The following CCDC148 variants were observed in gnomAD, a reference collection of about 807,000 sequenced individuals.
CCDC148 encodes the protein coiled-coil domain containing 148.
In CCDC148, 89 loss-of-function variants were observed where a neutral mutation model predicts 85.7. The observed-to-expected ratio is 1.04, with a 90% CI of 0.87 to 1.24. The LOEUF is 1.24. CCDC148 is among the 50% of genes most tolerant of loss of function. The probability of loss-of-function intolerance (pLI) is 0.00; values close to 1 mark genes in which losing one functional copy is unlikely to be tolerated. For synonymous variants in CCDC148, 230 were observed against 213.9 expected (o/e 1.08, Z -0.66); for missense variants, 692 against 671.7 (o/e 1.03, Z -0.33).
intron 1 of CCDC148, among the ~76,000 whole-genome samples, chr2:158,443,515 A>AAAAAAAAAAAAAAGAAAAAAAAGAAAAG (rs1553524474): frequency 9.9e-6 from 1 of 100,896 alleles, no homozygotes; most frequent in East Asian, 3.0e-4. Context: ...AAAAAAAAAA[A>AAAAAAAAAAAAAAGAAAAAAAAGAAAAG]AAAAAAAAGA....
chr2:158,229,247 C>T (rs896247886), intron 10 of CCDC148, among the ~76,000 whole-genome samples: 6 of 152,176 alleles, frequency 3.9e-5, no homozygotes, highest in Admixed American at 1.3e-4. Context: ...ACCTGCCCTA[C>T]CCACTTCCAA....
At position 158,315,450 on chromosome 2, in the gene CCDC148, T is replaced by A. The variant is rs188843799; in HGVS notation, c.765-1556A>T. ...AATAGAACTAAAGTACATGTCTTCA[T>A]TAATGTTTGTAAAATGTTTTTTTAA... On this transcript the variant is annotated intron_variant, in intron 7 of 13. Transcript: ENST00000283233. 3.2e-3 allele frequency among the ~76,000 whole-genome samples: 490 copies of A among 152,254 alleles called. No homozygotes were observed. In the Middle Eastern group the frequency reaches 0.037, roughly 12 times the overall value.
rs567476809 is a variant in CCDC148, at chr2:158,231,173, A to G, written c.1252-10460T>C. On this transcript the variant is annotated intron_variant, in intron 10 of 13. Transcript: ENST00000283233. ...GTATTTGACACCAGAGGACTGGATG[A>G]GGTCTCCAGGATGAGGATGTGAACA... Among the ~76,000 whole-genome samples the G allele has an allele frequency of 2.0e-5, 3 of 152,300 alleles. No individual in the cohort carries two copies. The East Asian group carries it at 5.8e-4, about 29-fold the overall frequency.
At chr2:158,310,485 C>T (rs1426502614) in intron 8 of CCDC148, among the ~76,000 whole-genome samples, 1 of 152,180 alleles carries the variant, frequency 6.6e-6, no homozygotes, top group East Asian at 1.9e-4. Flanking sequence ...CTCCTCACTT[C>T]CCAGACGTGA....
chr2:158,194,029 T>A (rs115913154), intron 11 of CCDC148, among the ~76,000 whole-genome samples: 8,117 of 151,262 alleles, frequency 0.054, 709 homozygotes, highest in African/African-American at 0.19. Flanking sequence ...AAAAAAAAAA[T>A]TTAAAAAAAT....
intron 1 of CCDC148, among the ~76,000 whole-genome samples, chr2:158,407,266 G>A (rs1686067519): frequency 6.6e-6 from 1 of 152,084 alleles, no homozygotes; most frequent in South Asian, 2.1e-4. Context: ...CCAGCTCTCT[G>A]AACTCATCCC....
intron 1 of CCDC148, among the ~76,000 whole-genome samples, chr2:158,448,468 C>A (rs1246422629): frequency 6.6e-6 from 1 of 151,964 alleles, no homozygotes; most frequent in Non-Finnish European, 1.5e-5. Flanking sequence ...CCACCTCAGA[C>A]CCCTGAGGAG....
At position 158,281,080 on chromosome 2, in the gene CCDC148, G is replaced by A. The variant is rs182372198; in HGVS notation, c.1110+28353C>T. Among the ~76,000 whole-genome samples, 148 of 152,198 alleles carry A rather than the reference G, an allele frequency of 9.7e-4. 3 individuals carry two copies. In the East Asian group the frequency reaches 0.022, roughly 23 times the overall value. ...AATAAAGATGTTCTTTGAAACCGAC[G>A]AGAACAAAGACACAACATACCAGAA... On this transcript the variant is annotated intron_variant, in intron 9 of 13. Transcript: ENST00000283233.
intron 9 of CCDC148, among the ~76,000 whole-genome samples, chr2:158,308,616 T>C (rs1203379432): frequency 2.0e-5 from 3 of 152,234 alleles, no homozygotes; most frequent in Non-Finnish European, 4.4e-5. Flanking sequence ...ATCATCTTCC[T>C]ACCATATCAT....
intron 10 of CCDC148, among the ~76,000 whole-genome samples, chr2:158,250,125 G>T (rs1388946799): frequency 3.3e-5 from 5 of 151,952 alleles, no homozygotes; most frequent in African/African-American, 4.8e-5. Flanking sequence ...AAACATAAAT[G>T]CCTAAATAAG....
intron 9 of CCDC148, among the ~76,000 whole-genome samples, chr2:158,294,002 CTCCTTCCTTCCTTCCT>C (rs1185894027): frequency 0.016 from 240 of 15,174 alleles, 7 homozygotes; most frequent in East Asian, 0.031. Context: ...CCCTCCCTCC[CTCCTTCCTTCCTTCCT>C]TCCTTCCTTC....
chr2:158,454,347 T>A (rs746576735), intron 1 of CCDC148, among the ~76,000 whole-genome samples: 9 of 152,162 alleles, frequency 5.9e-5, no homozygotes, highest in Admixed American at 4.6e-4. Flanking sequence ...TAACACATCA[T>A]GTAAGAGAGA....
intron 1 of CCDC148, chr2:158,424,770 C>A: frequency 4.8e-6 from 1 of 208,586 alleles, no homozygotes; most frequent in Non-Finnish European, 9.7e-6. Flanking sequence ...TGGATTGAGC[C>A]CAGAAACTTC....
intron 8 of CCDC148, among the ~76,000 whole-genome samples, chr2:158,310,770 G>A (rs1208358866): frequency 2.0e-5 from 3 of 149,306 alleles, no homozygotes; most frequent in African/African-American, 7.4e-5. Flanking sequence ...AGGGCGGCCG[G>A]GCAGAGGCGA....
chr2:158,268,230 C>A (rs1302701963), intron 9 of CCDC148, among the ~76,000 whole-genome samples: 1 of 152,122 alleles, frequency 6.6e-6, no homozygotes, highest in Non-Finnish European at 1.5e-5. Flanking sequence ...AGTTGTGCTT[C>A]TTCACTAGCA....
chr2:158,374,388 C>T (rs984143464), intron 1 of CCDC148, among the ~76,000 whole-genome samples: 2 of 151,974 alleles, frequency 1.3e-5, no homozygotes, highest in Admixed American at 1.3e-4. Context: ...GCATAGTAGA[C>T]ACAAATAATG....
intron 1 of CCDC148, among the ~76,000 whole-genome samples, chr2:158,429,360 A>AAGAGATAGATAG (rs1553521113): frequency 2.3e-4 from 34 of 149,732 alleles, no homozygotes; most frequent in East Asian, 5.9e-4. Flanking sequence ...AAAGAGCATG[A>AAGAGATAGATAG]ATAGATAGAT....
intron 1 of CCDC148, among the ~76,000 whole-genome samples, chr2:158,443,218 A>C (rs539114433): frequency 2.0e-4 from 30 of 152,138 alleles, no homozygotes; most frequent in African/African-American, 7.2e-4. Context: ...TTACACCTGT[A>C]ATGTCAGCAC....
chr2:158,239,312 C>T (rs547841345), intron 10 of CCDC148, among the ~76,000 whole-genome samples: 1 of 149,594 alleles, frequency 6.7e-6, no homozygotes, highest in East Asian at 2.1e-4. Flanking sequence ...CTCTCTCCCT[C>T]CCCACCCACC....
Sources: allele counts gnomAD v4.1 joint callset (sites outside exome capture counted in the v4.1 genomes callset), GRCh38; gene constraint gnomAD v4.1.1; transcripts MANE v1.5; gene names NCBI Gene and HGNC (gene_info 2026-07-23, HGNC 2026-07-21).